The following ASTN2 variants were observed in gnomAD, a reference collection of about 807,000 sequenced individuals.
ASTN2 encodes the protein astrotactin-2.
ASTN2 carries 54 observed loss-of-function variants against 139.8 expected under a neutral mutation model. That is an observed-to-expected ratio of 0.39 (90% CI 0.31 to 0.48). The LOEUF (loss-of-function observed/expected upper bound fraction) is 0.48. Among genes scored for constraint, ASTN2 ranks in the 20% least tolerant of loss-of-function variants. The pLI is 0.95. For missense variants in ASTN2, 1,565 were observed against 1,725.1 expected (o/e 0.91, Z 1.64); for synonymous variants, 756 against 719.5 (o/e 1.05, Z -0.81).
intron 19 of ASTN2, among the ~76,000 whole-genome samples, chr9:116,507,048 T>C (rs1850142519): frequency 6.6e-6 from 1 of 152,212 alleles, no homozygotes; most frequent in South Asian, 2.1e-4. Flanking sequence ...TTCCTTGCTA[T>C]AAGTCAGGCA....
chr9:116,916,104 T>A (rs1287788278), intron 10 of ASTN2, among the ~76,000 whole-genome samples: 1 of 152,172 alleles, frequency 6.6e-6, no homozygotes, highest in Non-Finnish European at 1.5e-5. Flanking sequence ...GGGAAAACAA[T>A]CCCTACATTT....
intron 16 of ASTN2, among the ~76,000 whole-genome samples, chr9:116,725,168 C>G (rs1439646957): frequency 2.0e-5 from 3 of 152,134 alleles, no homozygotes; most frequent in South Asian, 2.1e-4. Flanking sequence ...ATAACCTTCA[C>G]AAGGTGAGTG....
At chr9:116,839,117 C>G (rs1216975803) in intron 11 of ASTN2, among the ~76,000 whole-genome samples, 2 of 151,974 alleles carry the variant, frequency 1.3e-5, no homozygotes, top group Admixed American at 6.6e-5. Flanking sequence ...TAGTATGCCT[C>G]AAAAATTATG....
At chr9:116,978,530 T>C (rs1419923223) in intron 7 of ASTN2, among the ~76,000 whole-genome samples, 1 of 134,324 alleles carries the variant, frequency 7.4e-6, no homozygotes, top group East Asian at 2.2e-4. Flanking sequence ...CACAGAGAGA[T>C]AAACCTGTCA....
Position 117,304,952 on chromosome 9 carries a change from G to C in ASTN2, c.443-13439C>G, listed in dbSNP as rs79668453. ...CAGAGAAAGATGAAAAAATGGCTAA[G>C]GTTATTTAATGTCCCTTCCCACCAG... is the stretch of plus-strand genomic sequence containing the variant. On this transcript the variant is annotated intron_variant, in intron 1 of 22. Transcript: ENST00000313400. Among the ~76,000 whole-genome samples, 1,178 of 152,250 alleles carry C rather than the reference G, an allele frequency of 7.7e-3. 3 individuals carry two copies. The highest frequency in any genetic ancestry group is 0.019 in the South Asian group (92 of 4,818).
intron 22 of ASTN2, among the ~76,000 whole-genome samples, chr9:116,436,415 G>C (rs1847650828): frequency 6.6e-6 from 1 of 152,096 alleles, no homozygotes; most frequent in Admixed American, 6.5e-5. Flanking sequence ...TAGTCATCTG[G>C]TCCACACATT....
chr9:117,240,499 G>C (rs1340404302), intron 2 of ASTN2, among the ~76,000 whole-genome samples: 1 of 152,190 alleles, frequency 6.6e-6, no homozygotes, highest in Admixed American at 6.5e-5. Flanking sequence ...GGTATGACTG[G>C]AGCAGAGTAA....
intron 13 of ASTN2, among the ~76,000 whole-genome samples, chr9:116,770,496 C>A (rs1372332): frequency 3.3e-4 from 50 of 152,016 alleles, no homozygotes; most frequent in Non-Finnish European, 6.2e-4. Context: ...ACCCAGGTCC[C>A]AGAAAGGTGA....
At chr9:116,864,749 T>G (rs1832974692) in intron 10 of ASTN2, among the ~76,000 whole-genome samples, 1 of 152,144 alleles carries the variant, frequency 6.6e-6, no homozygotes, top group Non-Finnish European at 1.5e-5. Context: ...AGGAAGAGGC[T>G]AGCAAACACT....
chr9:117,146,811 A>G (rs2132870433), intron 3 of ASTN2, among the ~76,000 whole-genome samples: 1 of 152,268 alleles, frequency 6.6e-6, no homozygotes. Context: ...AAAGGATAGA[A>G]GGACTAAGTT....
Position 116,948,785 on chromosome 9 carries a change from G to GTTTTTTTTTTTTGTTTTTTTT in ASTN2, c.1889+26422_1889+26423insAAAAAAAACAAAAAAAAAAAA, listed in dbSNP as rs1835471789. On this transcript the variant is annotated intron_variant, in intron 10 of 22. Coordinates refer to ENST00000313400, the MANE Select transcript of ASTN2 (RefSeq NM_001365068.1). ...AGAGAGAGGAGAGAAATAATTTGGT[G>GTTTTTTTTTTTTGTTTTTTTT]TTTTTTTTTTTTTTTTTTTTTTTTT... Among the ~76,000 whole-genome samples the GTTTTTTTTTTTTGTTTTTTTT allele has an allele frequency of 3.6e-4, 18 of 49,472 alleles. 4 individuals carry two copies. Among genetic ancestry groups the GTTTTTTTTTTTTGTTTTTTTT allele is most frequent in the African/African-American group, 6.9e-4 (8 of 11,588 alleles). The allele number at this position is 49,472 out of a possible 152,430, so 32.5% of individuals were successfully genotyped here. A position where few individuals can be genotyped will look rare whatever the true frequency, so the allele number is the denominator to read the frequency against.
At chr9:116,783,298 C>G (rs1830271409) in intron 13 of ASTN2, among the ~76,000 whole-genome samples, 1 of 86,260 alleles carries the variant, frequency 1.2e-5, no homozygotes, top group East Asian at 2.5e-4. Context: ...TCCTTCCTTC[C>G]TCCCTCCCTC....
intron 5 of ASTN2, among the ~76,000 whole-genome samples, chr9:117,053,786 C>G (rs890458885): frequency 1.3e-5 from 2 of 152,218 alleles, no homozygotes; most frequent in African/African-American, 4.8e-5. Flanking sequence ...AGACTCTGTC[C>G]TTTCCTGGAT....
chr9:117,225,569 A>ATG (rs1335058724), intron 2 of ASTN2, among the ~76,000 whole-genome samples: 1 of 117,868 alleles, frequency 8.5e-6, no homozygotes, highest in Admixed American at 8.8e-5. Flanking sequence ...ATATATATAT[A>ATG]TATATACAGA....
At chr9:117,152,878 A>G (rs1228243337) in intron 3 of ASTN2, among the ~76,000 whole-genome samples, 1 of 152,190 alleles carries the variant, frequency 6.6e-6, no homozygotes, top group Non-Finnish European at 1.5e-5. Flanking sequence ...TCACAATAAC[A>G]CTAATAACAT....
At chr9:116,539,671 G>A (rs949446449) in intron 19 of ASTN2, among the ~76,000 whole-genome samples, 1 of 152,114 alleles carries the variant, frequency 6.6e-6, no homozygotes, top group Non-Finnish European at 1.5e-5. Flanking sequence ...TAACCTGGAC[G>A]GCTACTGAGT....
In ASTN2 at chr9:116,656,840, C is replaced by T. The variant is rs969223936; in HGVS notation, c.2807-5047G>A. 2.4e-4 allele frequency among the ~76,000 whole-genome samples: 37 copies of T among 152,252 alleles called. 1 individual carries two copies. The highest frequency in any genetic ancestry group is 8.2e-4 in the African/African-American group (34 of 41,548). Reference sequence around the variant, plus strand: ...GGCTTCTGGGAGAGCCAAAGCTGCACGGATGTTTGTTCAATATTCGGCAAC... The same window carrying T: ...GGCTTCTGGGAGAGCCAAAGCTGCATGGATGTTTGTTCAATATTCGGCAAC... On this transcript the variant is annotated intron_variant, in intron 16 of 22. Transcript: ENST00000313400.
chr9:116,541,993 C>T (rs1851895628), intron 19 of ASTN2, among the ~76,000 whole-genome samples: 1 of 152,188 alleles, frequency 6.6e-6, no homozygotes, highest in South Asian at 2.1e-4. Flanking sequence ...GGTATCGACA[C>T]AGTCAAGAAA....
chr9:116,697,500 C>G, intron 16 of ASTN2: 1 of 521,072 alleles, frequency 1.9e-6, no homozygotes, highest in Non-Finnish European at 3.4e-6. Flanking sequence ...GGTTTGTTTC[C>G]CTATCTGTCA....
Sources: allele counts gnomAD v4.1 joint callset (sites outside exome capture counted in the v4.1 genomes callset), GRCh38; gene constraint gnomAD v4.1.1; transcripts MANE v1.5; gene names NCBI Gene and HGNC (gene_info 2026-07-23, HGNC 2026-07-21).